Variants in LVRN observed in about 807,000 individuals in gnomAD.
LVRN encodes the protein aminopeptidase Q.
A neutral mutation model predicts 111.4 loss-of-function variants in LVRN; 99 were observed. That is an observed-to-expected ratio of 0.89 (90% CI 0.76 to 1.05). The LOEUF is 1.05. LVRN is among the 50% of genes least tolerant of loss of function. LVRN has a pLI of 0.00. For synonymous variants in LVRN, 488 were observed against 449.5 expected, an observed-to-expected ratio of 1.09 and a Z score of -1.08; for missense variants, 1,414 against 1,206.8, an observed-to-expected ratio of 1.17 and a Z score of -2.54.
chr5:115,995,777 G>T (rs1322250593), intron 6 of LVRN, among the ~76,000 whole-genome samples: 2 of 152,210 alleles, frequency 1.3e-5, no homozygotes, highest in Non-Finnish European at 2.9e-5. Context: ...TTTTACATGT[G>T]AGGAAACTGA....
chr5:115,996,641 A>T (rs1231731107), intron 6 of LVRN, among the ~76,000 whole-genome samples: 1 of 152,194 alleles, frequency 6.6e-6, no homozygotes, highest in African/African-American at 2.4e-5. Flanking sequence ...ATTTCAGCTG[A>T]TATGAATGGA....
At chr5:115,980,236 A>C (rs192848577) in intron 1 of LVRN, among the ~76,000 whole-genome samples, 40 of 152,150 alleles carry the variant, frequency 2.6e-4, no homozygotes, top group Non-Finnish European at 3.8e-4. Context: ...ATATCGTTAC[A>C]GGGTAGCTTG....
rs752885960 is a variant in LVRN at position 116,005,878 on chromosome 5, C to T, written c.2038-34C>T. On this transcript the variant is annotated intron_variant, in intron 12 of 19. Coordinates refer to ENST00000357872, the MANE Select transcript of LVRN (RefSeq NM_173800.5). ...AAACTTTGCGGAAAAATGTTCTCAT[C>T]TTCTTCTGGGCATATTTGGGTCTAA... 12 of 1,558,874 alleles carry T rather than the reference C, an allele frequency of 7.7e-6. No individual in the cohort carries two copies. In the African/African-American group the frequency reaches 1.6e-4, roughly 21 times the overall value.
intron 4 of LVRN, among the ~76,000 whole-genome samples, chr5:115,990,063 A>G (rs781115569): frequency 6.6e-6 from 1 of 152,188 alleles, no homozygotes; most frequent in Non-Finnish European, 1.5e-5. Flanking sequence ...TAGCTTGCTC[A>G]ATGAATTCTA....
chr5:115,991,592 C>T (rs542001673), intron 4 of LVRN, among the ~76,000 whole-genome samples: 2 of 152,236 alleles, frequency 1.3e-5, no homozygotes, highest in Admixed American at 6.5e-5. Context: ...TTATGGTCAA[C>T]CTATAGTGAC....
Position 116,015,776 on chromosome 5 carries a change from A to C in LVRN, c.2756+11A>C. 6.2e-7 allele frequency: 1 copy of C among 1,612,088 alleles called. No homozygotes were observed. Among genetic ancestry groups the C allele is most frequent in the Non-Finnish European group, 8.5e-7 (1 of 1,179,076 alleles). On this transcript the variant is annotated intron_variant, in intron 18 of 19. Coordinates refer to ENST00000357872, the MANE Select transcript of LVRN (RefSeq NM_173800.5). ...AGCTGTGAGTAAAAGGTAAGAAGGAAAGTGAGACCTTTCTTTCATTTAGGC... is the reference window on the plus strand; with the variant it reads ...AGCTGTGAGTAAAAGGTAAGAAGGACAGTGAGACCTTTCTTTCATTTAGGC...
At chr5:115,974,000 A>G (rs1247615261) in intron 1 of LVRN, among the ~76,000 whole-genome samples, 1 of 152,216 alleles carries the variant, frequency 6.6e-6, no homozygotes, top group Admixed American at 6.5e-5. Context: ...GCCCCCATTC[A>G]TAACCCAGCT....
At chr5:115,998,412 T>C (rs1320302868) in intron 6 of LVRN, among the ~76,000 whole-genome samples, 1 of 152,144 alleles carries the variant, frequency 6.6e-6, no homozygotes, top group East Asian at 1.9e-4. Flanking sequence ...ATGAGCAAGA[T>C]AAAAAGTTTT....
Position 116,026,280 on chromosome 5 carries a change from C to T in LVRN, c.*162C>T, listed in dbSNP as rs1005425390. The T allele has an allele frequency of 2.0e-5, 22 of 1,101,612 alleles. No homozygotes were observed. Among genetic ancestry groups the T allele is most frequent in the Non-Finnish European group, 2.8e-5 (22 of 786,930 alleles). 68.2% of individuals were successfully genotyped at this position (1,101,612 alleles called of 1,614,324 possible). On this transcript the variant is annotated 3_prime_UTR_variant, in exon 20 of 20. Coordinates refer to ENST00000357872, the MANE Select transcript of LVRN (RefSeq NM_173800.5). ...TTCTTCTCATATTGTCATGTTTGGCCCTGAGGGTGGGTGATTGCTGACAAT... is the reference window on the plus strand; with the variant it reads ...TTCTTCTCATATTGTCATGTTTGGCTCTGAGGGTGGGTGATTGCTGACAAT...
At chr5:115,997,689 G>C (rs1195165595) in intron 6 of LVRN, among the ~76,000 whole-genome samples, 1 of 152,090 alleles carries the variant, frequency 6.6e-6, no homozygotes, top group Non-Finnish European at 1.5e-5. Context: ...ATTTTAATAG[G>C]CCTTCTCTGA....
intron 3 of LVRN, among the ~76,000 whole-genome samples, chr5:115,986,742 G>A (rs1432441138): frequency 6.6e-6 from 1 of 152,154 alleles, no homozygotes; most frequent in Admixed American, 6.5e-5. Context: ...ATAAACATAA[G>A]AAACATGTAA....
intron 1 of LVRN, among the ~76,000 whole-genome samples, chr5:115,964,635 C>T (rs1753164917): frequency 6.6e-6 from 1 of 151,896 alleles, no homozygotes; most frequent in Non-Finnish European, 1.5e-5. Flanking sequence ...AGTAAATCCT[C>T]CTCTGTTCAC....
chr5:115,968,369 G>C (rs1317975620), intron 1 of LVRN, among the ~76,000 whole-genome samples: 1 of 150,032 alleles, frequency 6.7e-6, no homozygotes, highest in African/African-American at 2.4e-5. Context: ...TTTTCTTCTT[G>C]AGCCTGTTAA....
chr5:116,021,609 T>C (rs1332070861), intron 18 of LVRN: 1 of 319,856 alleles, frequency 3.1e-6, no homozygotes, highest in Non-Finnish European at 6.1e-6. Flanking sequence ...GTACATATTT[T>C]TGAAGTAAAT....
chr5:115,999,810 C>T lies in LVRN; in HGVS notation c.1423C>T (p.His475Tyr). Residue 475 changes from histidine to tyrosine, a missense_variant, in exon 7 of 20, where the codon CAC becomes TAC. Physicochemically the swap from His to Tyr is moderately conservative, Grantham distance 83 (BLOSUM62 2). Coordinates refer to ENST00000357872, the MANE Select transcript of LVRN (RefSeq NM_173800.5). ...TTTACATAATATCCTCAGAGAAGATCACGCCCTGGTGACTAGAGCTGTGGC... is the reference window on the plus strand; with the variant it reads ...TTTACATAATATCCTCAGAGAAGATTACGCCCTGGTGACTAGAGCTGTGGC... ...NILHNILRED[H>Y]ALVTRAVAMK... The T allele has an allele frequency of 6.2e-7, 1 of 1,613,206 alleles. No individual in the cohort carries two copies. Among genetic ancestry groups the T allele is most frequent in the Non-Finnish European group, 8.5e-7 (1 of 1,179,362 alleles).
At chr5:116,022,754 C>T (rs1748758962) in intron 19 of LVRN, among the ~76,000 whole-genome samples, 2 of 152,204 alleles carry the variant, frequency 1.3e-5, no homozygotes, top group Admixed American at 1.3e-4. Flanking sequence ...CCTTTGCCAT[C>T]ACTGCCAGTC....
At position 116,010,752 on chromosome 5, in the gene LVRN, T is replaced by A; in HGVS notation, c.2105T>A (p.Ile702Asn). ...DAFSLSKNNY[I>N]EIETALELTK... ...TTTAAATCAAACAGAAACAATTATA[T>A]TGAGATTGAAACAGCACTTGAGTTA... The change falls in exon 14 of 20, where the codon ATT (isoleucine) becomes AAT (asparagine). Residue 702 changes from isoleucine (I) to asparagine (N), a missense_variant. Ile to Asn is a moderately radical substitution (Grantham distance 149). Coordinates refer to ENST00000357872, the MANE Select transcript of LVRN (RefSeq NM_173800.5). 2 of 1,596,116 alleles carry A rather than the reference T, an allele frequency of 1.3e-6. No homozygotes were observed. Among genetic ancestry groups the A allele is most frequent in the Non-Finnish European group, 1.7e-6 (2 of 1,173,204 alleles).
chr5:116,003,625 A>G (rs1748290311), intron 12 of LVRN, among the ~76,000 whole-genome samples: 1 of 142,686 alleles, frequency 7.0e-6, no homozygotes, highest in African/African-American at 2.7e-5. Flanking sequence ...TCTGTCGCCC[A>G]GGCTGGAGTG....
chr5:115,994,369 C>A (rs1748060998), intron 6 of LVRN, among the ~76,000 whole-genome samples: 1 of 152,046 alleles, frequency 6.6e-6, no homozygotes, highest in Admixed American at 6.6e-5. Context: ...ACCTCCTGGG[C>A]TCAAGCAGTC....
Sources: gnomAD v4.1 joint callset for allele counts (sites outside exome capture counted in the v4.1 genomes callset) on GRCh38, gnomAD v4.1.1 for gene constraint, MANE v1.5 for transcripts, NCBI Gene and HGNC (gene_info 2026-07-23, HGNC 2026-07-21) for gene names.